The following CXXC4 variants were observed in gnomAD, a reference collection of about 807,000 sequenced individuals.
CXXC4 encodes CXXC-type zinc finger protein 4.
A neutral mutation model predicts 20.5 loss-of-function variants in CXXC4; 5 were observed. The ratio of observed to expected loss-of-function variants is 0.24; its 90% CI spans 0.13 to 0.51. The LOEUF (loss-of-function observed/expected upper bound fraction) is 0.51, where lower values mean the gene tolerates loss of function less well. Among genes scored for constraint, CXXC4 ranks in the 20% least tolerant of loss-of-function variants. The pLI is 0.97. For synonymous variants in CXXC4, 250 were observed against 216.4 expected (o/e 1.16, Z -1.36); for missense variants, 419 against 496.4 (o/e 0.84, Z 1.48).
intron 2 of CXXC4, among the ~76,000 whole-genome samples, chr4:104,490,475 A>G (rs72953305): frequency 0.021 from 3,222 of 152,332 alleles, 124 homozygotes; most frequent in African/African-American, 0.073. Flanking sequence ...ATTGAATGTG[A>G]AACTTCTGAT....
At position 104,470,713 on chromosome 4, in the gene CXXC4, G is replaced by A. The variant is rs1265101377; in HGVS notation, c.*1609C>T. On this transcript the variant is annotated 3_prime_UTR_variant, in exon 3 of 3. Transcript: ENST00000394767. ...ATGGATTTAGTGGGTTAAATCACCT[G>A]GCTAGTGGACAAAGAACAAAAAGTT... The A allele has an allele frequency of 2.6e-5, 4 of 151,978 alleles. No homozygotes were observed. The highest frequency in any genetic ancestry group is 5.9e-5 in the Non-Finnish European group (4 of 67,988). 9.4% of individuals were successfully genotyped at this position (151,978 alleles called of 1,614,324 possible). A position where few individuals can be genotyped will look rare whatever the true frequency, so the allele number is the denominator to read the frequency against.
chr4:104,491,388 A>C lies in CXXC4; in HGVS notation c.415T>G (p.Ser139Ala), dbSNP rs770916057. 111 of 1,292,214 alleles carry C rather than the reference A, an allele frequency of 8.6e-5. No individual in the cohort carries two copies. Among genetic ancestry groups the C allele is most frequent in the Middle Eastern group, 3.0e-4 (1 of 3,340 alleles). The allele number at this position is 1,292,214 out of a possible 1,614,324, so 80.0% of individuals were successfully genotyped here. ...GGGGGGRKSS[S>A]AAASSSASSS... ...GAGGCGGAGGAGGAGGCGGCGGCGGAGGAGGATTTCCTGCCGCCCCCACCA... is the reference window on the plus strand; with the variant it reads ...GAGGCGGAGGAGGAGGCGGCGGCGGCGGAGGATTTCCTGCCGCCCCCACCA... The change falls in exon 2 of 3, where the codon TCC (serine) becomes GCC (alanine). Residue 139 changes from serine to alanine, a missense_variant. By Grantham distance (99) the Ser-to-Ala change is moderately conservative. Coordinates refer to ENST00000394767, the MANE Select transcript of CXXC4 (RefSeq NM_025212.4).
rs2110281410 is a variant in CXXC4 at position 104,492,028 on chromosome 4, T to G, written c.-226A>C. ...ACAGACGGTGAATTCCCAGGCAGCG[T>G]CTTCCTTTGCATTATCCTCCAACTG... On this transcript the variant is annotated 5_prime_UTR_variant, in exon 2 of 3. Transcript: ENST00000394767. 2 of 384,860 alleles carry G rather than the reference T, an allele frequency of 5.2e-6. No individual in the cohort carries two copies. The highest frequency in any genetic ancestry group is 2.1e-4 in the South Asian group (2 of 9,616). 23.8% of individuals were successfully genotyped at this position (384,860 alleles called of 1,614,324 possible).
chr4:104,490,650 A>G (rs1268696409), intron 2 of CXXC4, 94 bp downstream of exon 2: 9 of 1,128,586 alleles, frequency 8.0e-6, no homozygotes, highest in Non-Finnish European at 1.0e-5. Flanking sequence ...GAGAAGGGGT[A>G]CTGCATCTTG....
chr4:104,487,540 T>C (rs890576240), intron 2 of CXXC4, among the ~76,000 whole-genome samples: 1 of 152,226 alleles, frequency 6.6e-6, no homozygotes, highest in Non-Finnish European at 1.5e-5. Context: ...CAAAGTGTTA[T>C]CATGTAACTT....
intron 1 of CXXC4, among the ~76,000 whole-genome samples, chr4:104,492,867 C>A (rs1179450053): frequency 1.3e-5 from 2 of 152,020 alleles, no homozygotes; most frequent in African/African-American, 4.8e-5. Context: ...CAGATAATTA[C>A]ATATATACAT....
intron 2 of CXXC4, among the ~76,000 whole-genome samples, chr4:104,487,545 T>C (rs1407946871): frequency 6.6e-6 from 1 of 152,238 alleles, no homozygotes; most frequent in Admixed American, 6.5e-5. Flanking sequence ...TGTTATCATG[T>C]AACTTATCAT....
chr4:104,490,680 G>C, intron 2 of CXXC4, 64 bp downstream of exon 2: 1 of 1,384,170 alleles, frequency 7.2e-7, no homozygotes, highest in South Asian at 1.3e-5. Context: ...AAGAATCCCT[G>C]AAGGGGAGAG....
chr4:104,490,117 T>G (rs1736802842), intron 2 of CXXC4, among the ~76,000 whole-genome samples: 1 of 152,204 alleles, frequency 6.6e-6, no homozygotes, highest in African/African-American at 2.4e-5. Flanking sequence ...GAAATCCGCT[T>G]CCTACACAGT....
At chr4:104,478,537 T>A (rs1037174671) in intron 2 of CXXC4, among the ~76,000 whole-genome samples, 3 of 152,062 alleles carry the variant, frequency 2.0e-5, no homozygotes, top group African/African-American at 7.2e-5. Flanking sequence ...GTTAAGCAAG[T>A]CTCTTGATAA....
chr4:104,479,080 G>T (rs1578316982), intron 2 of CXXC4, among the ~76,000 whole-genome samples: 2 of 152,020 alleles, frequency 1.3e-5, no homozygotes, highest in Non-Finnish European at 2.9e-5. Flanking sequence ...ATAGCATTAG[G>T]TGAGTTCATT....
chr4:104,485,692 C>T (rs1736670193), intron 2 of CXXC4, among the ~76,000 whole-genome samples: 1 of 152,068 alleles, frequency 6.6e-6, no homozygotes, highest in African/African-American at 2.4e-5. Flanking sequence ...TGTTTCCACC[C>T]CACCATGGAT....
In CXXC4 at chr4:104,472,073, A is replaced by G; in HGVS notation, c.*249T>C. On this transcript the variant is annotated 3_prime_UTR_variant, in exon 3 of 3. Coordinates refer to ENST00000394767, the MANE Select transcript of CXXC4 (RefSeq NM_025212.4). ...AGACAACAACTTCACTACTATAGCT[A>G]AATTACATCAAAGAAAGAATCAGCG... 2 of 338,598 alleles carry G rather than the reference A, an allele frequency of 5.9e-6. No homozygotes were observed. The highest frequency in any genetic ancestry group is 1.1e-5 in the Non-Finnish European group (2 of 187,364). 21.0% of individuals were successfully genotyped at this position (338,598 alleles called of 1,614,324 possible). A position where few individuals can be genotyped will look rare whatever the true frequency, so the allele number is the denominator to read the frequency against.
chr4:104,488,055 C>T (rs914094049), intron 2 of CXXC4, among the ~76,000 whole-genome samples: 2 of 152,112 alleles, frequency 1.3e-5, no homozygotes, highest in African/African-American at 4.8e-5. Context: ...GCACATGAGT[C>T]TTGAAGTGAT....
intron 2 of CXXC4, among the ~76,000 whole-genome samples, chr4:104,482,309 C>T (rs1394506674): frequency 6.6e-6 from 1 of 152,132 alleles, no homozygotes; most frequent in Non-Finnish European, 1.5e-5. Flanking sequence ...TCTAAAACCA[C>T]TCCACTTCAT....
chr4:104,475,988 T>A (rs548814876), intron 2 of CXXC4, among the ~76,000 whole-genome samples: 1 of 152,264 alleles, frequency 6.6e-6, no homozygotes, highest in South Asian at 2.1e-4. Context: ...TTTCTGGTAC[T>A]GCTGTAAAGC....
At chr4:104,490,415 T>C (rs144750667) in intron 2 of CXXC4, among the ~76,000 whole-genome samples, 2 of 152,344 alleles carry the variant, frequency 1.3e-5, no homozygotes, top group Non-Finnish European at 1.5e-5. Flanking sequence ...CCACCCTTTT[T>C]AATGAGGAGG....
In CXXC4 at chr4:104,469,387, C is replaced by T. The variant is rs1041036966; in HGVS notation, c.*2935G>A. On this transcript the variant is annotated 3_prime_UTR_variant, in exon 3 of 3. Coordinates refer to ENST00000394767, the MANE Select transcript of CXXC4 (RefSeq NM_025212.4). ...CCTAGGGAGGACAAGATCCTGTGTG[C>T]GTAGACCACTCTTACAAAGTTTTTT... 1 of 151,964 alleles carries T rather than the reference C, an allele frequency of 6.6e-6. No homozygotes were observed. Among genetic ancestry groups the T allele is most frequent in the East Asian group, 1.9e-4 (1 of 5,182 alleles). 9.4% of individuals were successfully genotyped at this position (151,964 alleles called of 1,614,324 possible). A position where few individuals can be genotyped will look rare whatever the true frequency, so the allele number is the denominator to read the frequency against.
At position 104,490,215 on chromosome 4, in the gene CXXC4, G is replaced by GAATCCCTT. The variant is rs1736807228; in HGVS notation, c.1059+528_1059+529insAAGGGATT. Reference sequence around the variant, plus strand: ...GAGTAGAAAAATGATTCTAGAAAAGGGTAGGAAATCCCCTTCTGAATCCAG... The same window carrying GAATCCCTT: ...GAGTAGAAAAATGATTCTAGAAAAGGAATCCCTTGTAGGAAATCCCCTTCTGAATCCAG... On this transcript the variant is annotated intron_variant, in intron 2 of 2. Coordinates refer to ENST00000394767, the MANE Select transcript of CXXC4 (RefSeq NM_025212.4). Among the ~76,000 whole-genome samples, 4 of 152,226 alleles carry GAATCCCTT rather than the reference G, an allele frequency of 2.6e-5. No homozygotes were observed. In the South Asian group the frequency reaches 8.3e-4, roughly 32 times the overall value.
Sources: allele counts gnomAD v4.1 joint callset (sites outside exome capture counted in the v4.1 genomes callset), GRCh38; gene constraint gnomAD v4.1.1; transcripts MANE v1.5; gene names NCBI Gene and HGNC (gene_info 2026-07-23, HGNC 2026-07-21).